Variants in ATXN7 observed in about 807,000 individuals in gnomAD.
ATXN7 encodes the protein ataxin 7, also known as ataxin-7.
Under a neutral mutation model 70.5 loss-of-function variants are expected in ATXN7, and 12 were observed. That is an observed-to-expected ratio of 0.17 (90% CI 0.11 to 0.28). The LOEUF (loss-of-function observed/expected upper bound fraction) is 0.28, where lower values mean the gene tolerates loss of function less well. Among genes scored for constraint, ATXN7 ranks in the 10% least tolerant of loss-of-function variants. ATXN7 has a pLI of 1.00. For synonymous variants in ATXN7, 498 were observed against 448.7 expected (o/e 1.11, Z -1.39); for missense variants, 1,256 against 1,131.7 (o/e 1.11, Z -1.58).
At chr3:63,903,527 A>G (rs904294249) in intron 2 of ATXN7, among the ~76,000 whole-genome samples, 1 of 152,190 alleles carries the variant, frequency 6.6e-6, no homozygotes, top group African/African-American at 2.4e-5. Flanking sequence ...TGTAAAAACA[A>G]ACAAAAAGTT....
chr3:63,983,318 A>G (rs747380051), intron 8 of ATXN7, among the ~76,000 whole-genome samples: 3 of 152,220 alleles, frequency 2.0e-5, no homozygotes, highest in African/African-American at 7.2e-5. Flanking sequence ...TAATATTTCC[A>G]TATAGGCTAC....
intron 4 of ATXN7, among the ~76,000 whole-genome samples, chr3:63,917,948 C>A (rs909123494): frequency 6.6e-6 from 1 of 152,154 alleles, no homozygotes; most frequent in South Asian, 2.1e-4. Flanking sequence ...CAGCACTTTT[C>A]GTTGCTCTGT....
chr3:63,913,136 CTG>C lies in ATXN7; in HGVS notation c.326-13_326-12del. The C allele has an allele frequency of 6.2e-7, 1 of 1,611,644 alleles. No homozygotes were observed. The highest frequency in any genetic ancestry group is 2.2e-5 in the East Asian group (1 of 44,808). The stretch of plus-strand genomic sequence containing the variant: ...CCACTGACCTGCCTCTCCCCTCCTC[CTG>C]TGTGTGTATATCTCCTAGGGACAGA... On this transcript the variant is annotated intron_variant, in intron 3 of 12. Coordinates refer to ENST00000674280, the MANE Select transcript of ATXN7 (RefSeq NM_001377405.1).
At chr3:63,899,416 A>T (rs985039766) in intron 2 of ATXN7, among the ~76,000 whole-genome samples, 1 of 151,952 alleles carries the variant, frequency 6.6e-6, no homozygotes, top group African/African-American at 2.4e-5. Context: ...CTGTTTTGGG[A>T]GGATAGTGGT....
At chr3:63,878,414 TCTC>T (rs1175017484) in intron 1 of ATXN7, 3 of 152,198 alleles carry the variant, frequency 2.0e-5, no homozygotes, top group Non-Finnish European at 2.9e-5. Flanking sequence ...CTCTCAGTAT[TCTC>T]CTGCACTGAC....
intron 4 of ATXN7, among the ~76,000 whole-genome samples, chr3:63,919,992 G>A (rs1704444952): frequency 1.3e-5 from 2 of 151,932 alleles, no homozygotes; most frequent in Admixed American, 1.3e-4. Flanking sequence ...CCCCTGAGCT[G>A]GTTTAGAGAA....
At chr3:63,948,132 T>C (rs541395604) in intron 4 of ATXN7, among the ~76,000 whole-genome samples, 1 of 152,242 alleles carries the variant, frequency 6.6e-6, no homozygotes, top group East Asian at 1.9e-4. Context: ...CCAGAGTTCA[T>C]TGAAAGGGTG....
At chr3:63,931,510 C>T (rs370197429) in intron 4 of ATXN7, among the ~76,000 whole-genome samples, 2 of 152,200 alleles carry the variant, frequency 1.3e-5, no homozygotes, top group African/African-American at 4.8e-5. Context: ...GGGACTTTCT[C>T]TTGCTACAGA....
intron 5 of ATXN7, among the ~76,000 whole-genome samples, chr3:63,956,499 A>C (rs2075041365): frequency 6.6e-6 from 1 of 151,336 alleles, no homozygotes; most frequent in Non-Finnish European, 1.5e-5. Flanking sequence ...AATTCGAATC[A>C]GTGGATCCCA....
intron 2 of ATXN7, among the ~76,000 whole-genome samples, chr3:63,906,419 A>T (rs1164090858): frequency 6.6e-6 from 1 of 152,178 alleles, no homozygotes; most frequent in East Asian, 1.9e-4. Flanking sequence ...TTGCTGACCA[A>T]TTTGGAGACA....
At chr3:63,868,118 G>T (rs373019392) in intron 1 of ATXN7, among the ~76,000 whole-genome samples, 1 of 152,194 alleles carries the variant, frequency 6.6e-6, no homozygotes, top group Admixed American at 6.5e-5. Flanking sequence ...GACACCAGCC[G>T]TTGGAGTAAA....
At chr3:63,912,500 G>C (rs1704068927) in intron 2 of ATXN7, 88 bp from the exon 3 acceptor site, 1 of 898,682 alleles carries the variant, frequency 1.1e-6, no homozygotes, top group Non-Finnish European at 1.4e-6. Context: ...CCGGTCCGCG[G>C]GCCGCGCACG....
intron 4 of ATXN7, among the ~76,000 whole-genome samples, chr3:63,942,304 CAT>C (rs1482483373): frequency 6.6e-6 from 1 of 152,206 alleles, no homozygotes; most frequent in Non-Finnish European, 1.5e-5. Flanking sequence ...GACTTTGTGA[CAT>C]AAGGCACACA....
rs1259234305 is a variant in ATXN7 at position 63,880,327 on chromosome 3, G to A, written c.-111+16169G>A. ...CTTTATCAGAGATTCTTTTAGACAGGTCACAAATATTTATCAAAAGTCTAC... is the reference window on the plus strand; with the variant it reads ...CTTTATCAGAGATTCTTTTAGACAGATCACAAATATTTATCAAAAGTCTAC... On this transcript the variant is annotated intron_variant, in intron 1 of 12. Coordinates refer to ENST00000674280, the MANE Select transcript of ATXN7 (RefSeq NM_001377405.1). 2.0e-5 allele frequency among the ~76,000 whole-genome samples: 3 copies of A among 152,136 alleles called. No individual in the cohort carries two copies. In the South Asian group the frequency reaches 6.2e-4, roughly 32 times the overall value.
intron 4 of ATXN7, among the ~76,000 whole-genome samples, chr3:63,914,268 C>T (rs962452834): frequency 6.6e-6 from 1 of 152,190 alleles, no homozygotes; most frequent in Non-Finnish European, 1.5e-5. Flanking sequence ...TCGCTTTTCA[C>T]ACCTGCTTTT....
intron 2 of ATXN7, among the ~76,000 whole-genome samples, chr3:63,903,012 T>A (rs1251144631): frequency 2.0e-5 from 3 of 152,096 alleles, no homozygotes; most frequent in African/African-American, 4.8e-5. Context: ...TTGCTTCTCA[T>A]ATGGTAAATC....
intron 4 of ATXN7, among the ~76,000 whole-genome samples, chr3:63,933,408 TATA>T (rs1401943490): frequency 6.6e-6 from 1 of 152,202 alleles, no homozygotes; most frequent in Non-Finnish European, 1.5e-5. Context: ...GCTTCCTGGT[TATA>T]ATAATGTTCT....
At chr3:63,915,694 T>A (rs1425993270) in intron 4 of ATXN7, among the ~76,000 whole-genome samples, 1 of 151,872 alleles carries the variant, frequency 6.6e-6, no homozygotes, top group Non-Finnish European at 1.5e-5. Flanking sequence ...TTATTTTTTT[T>A]TTTTTTTGAG....
intron 10 of ATXN7, 87 bp downstream of exon 10, chr3:63,990,461 G>C: frequency 6.6e-7 from 1 of 1,506,320 alleles, no homozygotes; most frequent in Non-Finnish European, 9.1e-7. Flanking sequence ...ATCTTGGCAT[G>C]CCCGTATGTG....
Sources: gnomAD v4.1 joint callset for allele counts (sites outside exome capture counted in the v4.1 genomes callset) on GRCh38, gnomAD v4.1.1 for gene constraint, MANE v1.5 for transcripts, NCBI Gene and HGNC (gene_info 2026-07-23, HGNC 2026-07-21) for gene names.